Variants in LUZP2 observed in about 807,000 individuals in gnomAD.
The protein encoded by LUZP2 is leucine zipper protein 2.
In LUZP2, 52 loss-of-function variants were observed where a neutral mutation model predicts 51.6. The ratio of observed to expected loss-of-function variants is 1.01; its 90% CI spans 0.81 to 1.27. The LOEUF (loss-of-function observed/expected upper bound fraction) is 1.27, where lower values mean the gene tolerates loss of function less well. Among genes scored for constraint, LUZP2 ranks in the 50% most tolerant of loss-of-function variants. LUZP2 has a pLI of 0.00. For synonymous variants in LUZP2, 154 were observed against 137.3 expected, an observed-to-expected ratio of 1.12 and a Z score of -0.85; for missense variants, 436 against 395.4, an observed-to-expected ratio of 1.10 and a Z score of -0.87.
At chr11:24,663,374 T>C (rs897881564) in intron 1 of LUZP2, among the ~76,000 whole-genome samples, 22 of 152,178 alleles carry the variant, frequency 1.4e-4, no homozygotes, top group African/African-American at 5.3e-4. Flanking sequence ...CCTTCCACCA[T>C]GACTGCAAGT....
At chr11:25,057,746 A>T (rs891689339) in intron 10 of LUZP2, among the ~76,000 whole-genome samples, 5 of 152,016 alleles carry the variant, frequency 3.3e-5, no homozygotes, top group Non-Finnish European at 7.4e-5. Context: ...TATGTTTAGC[A>T]CCGGGAGCAC....
At chr11:24,871,226 T>A (rs1042269935) in intron 5 of LUZP2, among the ~76,000 whole-genome samples, 4 of 152,128 alleles carry the variant, frequency 2.6e-5, no homozygotes, top group African/African-American at 9.7e-5. Context: ...TTTTTAAAAA[T>A]GAATTTGATA....
intron 4 of LUZP2, among the ~76,000 whole-genome samples, chr11:24,745,045 A>G (rs1859326705): frequency 6.6e-6 from 1 of 152,054 alleles, no homozygotes; most frequent in African/African-American, 2.4e-5. Context: ...GTTGATTTCC[A>G]GTTTTTTTCC....
At chr11:24,585,195 G>A (rs1490664984) in intron 1 of LUZP2, among the ~76,000 whole-genome samples, 1 of 152,016 alleles carries the variant, frequency 6.6e-6, no homozygotes, top group East Asian at 1.9e-4. Flanking sequence ...GAAAATATGT[G>A]CCTCTTTCCC....
intron 5 of LUZP2, among the ~76,000 whole-genome samples, chr11:24,887,633 G>A (rs972549759): frequency 5.3e-5 from 8 of 152,270 alleles, no homozygotes; most frequent in Admixed American, 5.2e-4. Context: ...CCCTAGTTCT[G>A]ACATGAGAAA....
chr11:24,843,305 T>C (rs1349511196), intron 5 of LUZP2, among the ~76,000 whole-genome samples: 1 of 152,158 alleles, frequency 6.6e-6, no homozygotes. Flanking sequence ...AAACTTATTA[T>C]AACAAATTTT....
In LUZP2 at chr11:24,497,281, T is replaced by C; in HGVS notation, c.38T>C (p.Leu13Pro). The C allele has an allele frequency of 6.4e-7, 1 of 1,567,436 alleles. No homozygotes were observed. Among genetic ancestry groups the C allele is most frequent in the East Asian group, 2.5e-5 (1 of 40,018 alleles). Residue 13 changes from leucine to proline, a missense_variant, in exon 1 of 12, where the codon CTG (leucine) becomes CCG (proline). Leu to Pro is a moderately conservative substitution (Grantham distance 98). Coordinates refer to ENST00000336930, the MANE Select transcript of LUZP2 (RefSeq NM_001009909.4). Reference protein sequence around the residue: ...FSPAHYLLPLLPALVLSTRQD... With the variant: ...FSPAHYLLPLPPALVLSTRQD... Reference sequence around the variant, plus strand: ...CCAGCGCACTACCTGCTGCCTCTCCTGCCTGCGCTGGTCCTCAGCACCAGG... The same window carrying C: ...CCAGCGCACTACCTGCTGCCTCTCCCGCCTGCGCTGGTCCTCAGCACCAGG...
At chr11:25,034,731 A>G (rs564235810) in intron 9 of LUZP2, among the ~76,000 whole-genome samples, 1 of 152,210 alleles carries the variant, frequency 6.6e-6, no homozygotes, top group South Asian at 2.1e-4. Context: ...AAATGGTTAT[A>G]GGTGTCCGAC....
chr11:24,789,478 G>A lies in LUZP2; in HGVS notation c.396+26170G>A, dbSNP rs185605585. Among the ~76,000 whole-genome samples the A allele has an allele frequency of 1.6e-3, 240 of 152,196 alleles. 1 individual carries two copies. The highest frequency in any genetic ancestry group is 1.4e-3 in the Non-Finnish European group (92 of 68,008). ...TTTTTCAATTAAATTTGCTCAAGTT[G>A]GTATTATTTTGATTGCTTCATCTGT... On this transcript the variant is annotated intron_variant, in intron 5 of 11. Transcript: ENST00000336930.
At chr11:24,553,664 A>G (rs1851783048) in intron 1 of LUZP2, among the ~76,000 whole-genome samples, 3 of 152,200 alleles carry the variant, frequency 2.0e-5, no homozygotes, top group Middle Eastern at 3.4e-3. Context: ...TAGGGGTTCA[A>G]TTTTCCCTTA....
intron 5 of LUZP2, among the ~76,000 whole-genome samples, chr11:24,897,679 G>A (rs1853126172): frequency 6.6e-6 from 1 of 152,184 alleles, no homozygotes; most frequent in South Asian, 2.1e-4. Flanking sequence ...CTCACTGTGA[G>A]CGACTGTGGC....
chr11:24,919,307 A>G (rs1263357936), intron 7 of LUZP2, among the ~76,000 whole-genome samples: 2 of 2,558 alleles, frequency 7.8e-4, no homozygotes, highest in African/African-American at 3.8e-3. Flanking sequence ...TATATATGAC[A>G]TATATTGATA....
chr11:24,957,219 T>C (rs536039050), intron 7 of LUZP2, among the ~76,000 whole-genome samples: 2 of 152,182 alleles, frequency 1.3e-5, no homozygotes, highest in African/African-American at 2.4e-5. Context: ...TGATCCTAAT[T>C]CTTTTTTAAA....
At chr11:24,542,482 T>A (rs1435829587) in intron 1 of LUZP2, among the ~76,000 whole-genome samples, 2 of 152,002 alleles carry the variant, frequency 1.3e-5, no homozygotes, top group Non-Finnish European at 2.9e-5. Flanking sequence ...CTCAACTTAG[T>A]TATTACTGAA....
chr11:24,825,423 C>T (rs1473004196), intron 5 of LUZP2, among the ~76,000 whole-genome samples: 1 of 152,150 alleles, frequency 6.6e-6, no homozygotes, highest in Non-Finnish European at 1.5e-5. Context: ...GATCCTCTCT[C>T]CTCCTGCTTT....
At chr11:24,576,428 A>G (rs1852651054) in intron 1 of LUZP2, among the ~76,000 whole-genome samples, 1 of 151,408 alleles carries the variant, frequency 6.6e-6, no homozygotes, top group East Asian at 1.9e-4. Context: ...AAAAAAAAAA[A>G]AAAAAAGGAA....
intron 5 of LUZP2, among the ~76,000 whole-genome samples, chr11:24,831,142 T>A (rs1850691861): frequency 6.6e-6 from 1 of 152,252 alleles, no homozygotes; most frequent in African/African-American, 2.4e-5. Flanking sequence ...ACTGACTATC[T>A]AGCAGTTATC....
intron 1 of LUZP2, among the ~76,000 whole-genome samples, chr11:24,553,189 C>T (rs547692114): frequency 9.9e-5 from 15 of 151,584 alleles, no homozygotes; most frequent in Admixed American, 7.9e-4. Context: ...CATTTCTGTG[C>T]GTGTTGAATA....
chr11:24,707,977 C>A lies in LUZP2; in HGVS notation c.63-21192C>A, dbSNP rs549582584. ...CCCCATTGGCTAGGGTTAGACCACACAGGCTAAACTAATTCTGACTGGCTA... is the reference window on the plus strand; with the variant it reads ...CCCCATTGGCTAGGGTTAGACCACAAAGGCTAAACTAATTCTGACTGGCTA... On this transcript the variant is annotated intron_variant, in intron 1 of 11. Transcript: ENST00000336930. 6.6e-5 allele frequency among the ~76,000 whole-genome samples: 10 copies of A among 152,164 alleles called. No individual in the cohort carries two copies. In the East Asian group the frequency reaches 1.7e-3, roughly 27 times the overall value.
Sources: allele counts gnomAD v4.1 joint callset (sites outside exome capture counted in the v4.1 genomes callset), GRCh38; gene constraint gnomAD v4.1.1; transcripts MANE v1.5; gene names NCBI Gene and HGNC (gene_info 2026-07-23, HGNC 2026-07-21).